The following TMTC2 variants were observed in gnomAD, a reference collection of about 807,000 sequenced individuals.
TMTC2 encodes the protein protein O-mannosyl-transferase TMTC2.
In TMTC2, 43 loss-of-function variants were observed where a neutral mutation model predicts 82.4. The ratio of observed to expected loss-of-function variants is 0.52; its 90% confidence interval spans 0.41 to 0.67. The LOEUF is 0.67. Ranked by LOEUF, TMTC2 falls within the 30% of genes least tolerant of loss-of-function variation. The pLI, the probability that TMTC2 is intolerant of heterozygous loss-of-function variation, is 0.00. For synonymous variants in TMTC2, 408 were observed against 381.9 expected (o/e 1.07, Z -0.80); for missense variants, 919 against 1,012.4 (o/e 0.91, Z 1.25).
At chr12:82,758,706 C>G (rs1287811113) in intron 1 of TMTC2, 1 of 152,138 alleles carries the variant, frequency 6.6e-6, no homozygotes, top group Non-Finnish European at 1.5e-5. Flanking sequence ...TTTCAAACAG[C>G]AGTTTAAATT....
At chr12:82,872,549 T>A (rs77116029) in intron 2 of TMTC2, among the ~76,000 whole-genome samples, 6,058 of 152,272 alleles carry the variant, frequency 0.04, 405 homozygotes, top group African/African-American at 0.14. Context: ...AGGAAAATAT[T>A]TCCCGCATTG....
chr12:82,980,242 A>C (rs1040224934), intron 7 of TMTC2, among the ~76,000 whole-genome samples: 6 of 151,946 alleles, frequency 3.9e-5, no homozygotes, highest in Middle Eastern at 3.4e-3. Context: ...AACAAATTAA[A>C]AGTAACCTAT....
intron 11 of TMTC2, among the ~76,000 whole-genome samples, chr12:83,118,920 T>A (rs1344509578): frequency 6.6e-6 from 1 of 152,202 alleles, no homozygotes; most frequent in East Asian, 1.9e-4. Flanking sequence ...CCATCTCTTC[T>A]AGGTTTTCTA....
intron 11 of TMTC2, among the ~76,000 whole-genome samples, chr12:83,116,309 T>C (rs1361535610): frequency 1.3e-5 from 2 of 152,194 alleles, no homozygotes; most frequent in East Asian, 3.9e-4. Context: ...TATATATATA[T>C]ACCACAGTTT....
intron 1 of TMTC2, among the ~76,000 whole-genome samples, chr12:82,781,452 G>C (rs1285177243): frequency 6.8e-6 from 1 of 146,012 alleles, no homozygotes. Context: ...TTGGCAGTTG[G>C]TTGTACAGAT....
chr12:82,713,256 A>T (rs1386651628), intron 1 of TMTC2, among the ~76,000 whole-genome samples: 1 of 152,064 alleles, frequency 6.6e-6, no homozygotes, highest in East Asian at 1.9e-4. Context: ...TGGAGGTTGC[A>T]GTGAGCCAAG....
At chr12:82,767,518 C>A (rs1375073934) in intron 1 of TMTC2, among the ~76,000 whole-genome samples, 1 of 151,916 alleles carries the variant, frequency 6.6e-6, no homozygotes, top group Non-Finnish European at 1.5e-5. Context: ...CCCAGGAAGT[C>A]GAGGCTGCAG....
intron 3 of TMTC2, among the ~76,000 whole-genome samples, chr12:82,907,965 AG>A: frequency 6.6e-6 from 1 of 152,130 alleles, no homozygotes; most frequent in Non-Finnish European, 1.5e-5. Flanking sequence ...TACAAAAATT[AG>A]CTGGGCATGG....
At chr12:82,927,439 G>C (rs1875783911) in intron 3 of TMTC2, among the ~76,000 whole-genome samples, 1 of 152,174 alleles carries the variant, frequency 6.6e-6, no homozygotes, top group South Asian at 2.1e-4. Flanking sequence ...AAAGAAAGTG[G>C]TTTCTTGAGG....
At chr12:82,723,805 C>G (rs1326636337) in intron 1 of TMTC2, among the ~76,000 whole-genome samples, 3 of 152,148 alleles carry the variant, frequency 2.0e-5, no homozygotes, top group African/African-American at 7.2e-5. Context: ...TCCAAAGCAT[C>G]TAGGACTTCT....
intron 1 of TMTC2, among the ~76,000 whole-genome samples, chr12:82,825,574 T>G (rs1869369822): frequency 6.6e-6 from 1 of 152,176 alleles, no homozygotes; most frequent in African/African-American, 2.4e-5. Context: ...CCTTCTCTTG[T>G]AGGCAGTACG....
intron 9 of TMTC2, among the ~76,000 whole-genome samples, chr12:83,045,727 G>GAGCTCACACACACACACACACA (rs1437284307): frequency 7.0e-6 from 1 of 142,452 alleles, no homozygotes; most frequent in Non-Finnish European, 1.5e-5. Flanking sequence ...ACACACACAC[G>GAGCTCACACACACACACACACA]CACACACACA....
At chr12:82,767,787 T>C (rs1457659497) in intron 1 of TMTC2, among the ~76,000 whole-genome samples, 1 of 152,190 alleles carries the variant, frequency 6.6e-6, no homozygotes, top group Non-Finnish European at 1.5e-5. Context: ...CTTACGAAAA[T>C]TGAAATTCTG....
chr12:83,007,681 AAGAC>A (rs1486747890), intron 8 of TMTC2, among the ~76,000 whole-genome samples: 2 of 152,230 alleles, frequency 1.3e-5, no homozygotes, highest in Non-Finnish European at 2.9e-5. Flanking sequence ...AGCTCAGAAA[AAGAC>A]AAATATTTTA....
chr12:82,993,612 T>C (rs1879491485), intron 8 of TMTC2, among the ~76,000 whole-genome samples: 1 of 152,144 alleles, frequency 6.6e-6, no homozygotes. Flanking sequence ...CAGGCTATTA[T>C]TATATTATTA....
chr12:82,824,660 T>G (rs1404008343), intron 1 of TMTC2, among the ~76,000 whole-genome samples: 1 of 152,202 alleles, frequency 6.6e-6, no homozygotes, highest in East Asian at 1.9e-4. Flanking sequence ...TGCTGTTTAG[T>G]AGGATGTTAG....
At chr12:83,093,151 G>A (rs771092710) in intron 11 of TMTC2, among the ~76,000 whole-genome samples, 2 of 152,026 alleles carry the variant, frequency 1.3e-5, no homozygotes, top group Non-Finnish European at 2.9e-5. Context: ...CCCTATCAAC[G>A]TCTCTCCTCC....
chr12:83,049,587 A>G (rs1882271182), intron 9 of TMTC2, among the ~76,000 whole-genome samples: 1 of 152,110 alleles, frequency 6.6e-6, no homozygotes, highest in Non-Finnish European at 1.5e-5. Context: ...GGTTAATTCC[A>G]CGTCTTTGCT....
intron 1 of TMTC2, among the ~76,000 whole-genome samples, chr12:82,699,965 A>G (rs545169631): frequency 9.9e-5 from 15 of 152,258 alleles, no homozygotes; most frequent in Admixed American, 3.9e-4. Flanking sequence ...GGATGACTAT[A>G]TTTATATAGT....
Sources: gnomAD v4.1 joint callset for allele counts (sites outside exome capture counted in the v4.1 genomes callset) on GRCh38, gnomAD v4.1.1 for gene constraint, MANE v1.5 for transcripts, NCBI Gene and HGNC (gene_info 2026-07-23, HGNC 2026-07-21) for gene names.